Variants in GRK5 observed in about 807,000 individuals in gnomAD.
The protein encoded by GRK5 is G protein-coupled receptor kinase 5, also known as g protein-coupled receptor kinase GRK5.
Under a neutral mutation model 78.4 loss-of-function variants are expected in GRK5, and 40 were observed. That is an observed-to-expected ratio of 0.51 (90% CI 0.40 to 0.66). GRK5 has a LOEUF of 0.66. Ranked by LOEUF, GRK5 falls within the 30% of genes least tolerant of loss-of-function variation. The probability of loss-of-function intolerance (pLI) is 0.00; values close to 1 mark genes in which losing one functional copy is unlikely to be tolerated. For synonymous variants in GRK5, 289 were observed against 296.8 expected (o/e 0.97, Z 0.27); for missense variants, 598 against 759.9 (o/e 0.79, Z 2.50).
chr10:119,345,214 C>T (rs758576220), intron 2 of GRK5, among the ~76,000 whole-genome samples: 1 of 152,142 alleles, frequency 6.6e-6, no homozygotes, highest in Non-Finnish European at 1.5e-5. Context: ...ATGATCCGCC[C>T]GCCTCGGCCT....
chr10:119,417,739 G>A (rs1358616424), intron 4 of GRK5, among the ~76,000 whole-genome samples: 5 of 152,202 alleles, frequency 3.3e-5, no homozygotes, highest in Non-Finnish European at 7.3e-5. Context: ...GGATGCATGA[G>A]ATGAGGACAA....
rs1849457312 is a variant in GRK5, at chr10:119,264,273, C to G, written c.52+56304C>G. On this transcript the variant is annotated intron_variant, in intron 1 of 15. Transcript: ENST00000392870. This position sits in a 1 kb window ranked among gnomAD's most constrained non-coding sequence, Gnocchi z 4.1. The stretch of plus-strand genomic sequence containing the variant: ...CTTTCCATTACAGGTGACAGAAGCT[C>G]AACTCCAACTAGCTTAAGCAAAACA... Among the ~76,000 whole-genome samples, 1 of 152,188 alleles carries G rather than the reference C, an allele frequency of 6.6e-6. No homozygotes were observed. The highest frequency in any genetic ancestry group is 2.4e-5 in the African/African-American group (1 of 41,434).
At chr10:119,342,531 C>T (rs983114055) in intron 2 of GRK5, among the ~76,000 whole-genome samples, 8 of 152,198 alleles carry the variant, frequency 5.3e-5, no homozygotes, top group Non-Finnish European at 1.2e-4. Context: ...GCTCATGCAG[C>T]ATCTGCTTTC....
chr10:119,452,861 G>A lies in GRK5; in HGVS notation c.1542+53G>A, dbSNP rs2297640. The A allele has an allele frequency of 0.085, 123,648 of 1,456,982 alleles. 9,482 individuals are homozygous for A. The highest frequency in any genetic ancestry group is 0.29 in the East Asian group (12,409 of 42,606). 90.3% of individuals were successfully genotyped at this position (1,456,982 alleles called of 1,614,324 possible). Reference sequence around the variant, plus strand: ...TCTGGGTGGGAGGGAGGGACTGACGGGTGGAAGGAGGCGTCGGGAATATGA... The same window carrying A: ...TCTGGGTGGGAGGGAGGGACTGACGAGTGGAAGGAGGCGTCGGGAATATGA... On this transcript the variant is annotated intron_variant, in intron 14 of 15. Transcript: ENST00000392870. This position sits in a 1 kb window ranked among gnomAD's most constrained non-coding sequence, Gnocchi z 4.4.
At chr10:119,349,239 T>G (rs1193823381) in intron 2 of GRK5, among the ~76,000 whole-genome samples, 1 of 152,098 alleles carries the variant, frequency 6.6e-6, no homozygotes, top group Non-Finnish European at 1.5e-5. Flanking sequence ...TTGCAGTCGG[T>G]CAAGCCTGGG....
chr10:119,385,851 G>C (rs1026119536), intron 3 of GRK5, among the ~76,000 whole-genome samples: 5 of 152,060 alleles, frequency 3.3e-5, no homozygotes, highest in Non-Finnish European at 5.9e-5. Context: ...AAAGATCTGG[G>C]CTGGAAATGG....
At chr10:119,371,802 T>C (rs897651657) in intron 2 of GRK5, among the ~76,000 whole-genome samples, 10 of 152,182 alleles carry the variant, frequency 6.6e-5, no homozygotes, top group African/African-American at 2.4e-4. Flanking sequence ...ATAGAGGAGA[T>C]AGGATCTGTC....
At chr10:119,279,121 C>A (rs1013372884) in intron 1 of GRK5, among the ~76,000 whole-genome samples, 2 of 152,088 alleles carry the variant, frequency 1.3e-5, no homozygotes, top group African/African-American at 4.8e-5. Flanking sequence ...ACCTCGTGAT[C>A]CACCCGCCTT....
intron 2 of GRK5, among the ~76,000 whole-genome samples, chr10:119,360,943 G>T (rs539872843): frequency 6.6e-6 from 1 of 152,134 alleles, no homozygotes; most frequent in African/African-American, 2.4e-5. Context: ...AGTGTTAGTC[G>T]CTGCCTTTCC....
intron 1 of GRK5, among the ~76,000 whole-genome samples, chr10:119,314,122 G>T (rs1212436325): frequency 1.3e-5 from 2 of 152,250 alleles, no homozygotes; most frequent in Non-Finnish European, 2.9e-5. Context: ...GCCACTGGGA[G>T]GGCTGGGGTG....
At chr10:119,390,664 C>T (rs1407008047) in intron 3 of GRK5, among the ~76,000 whole-genome samples, 4 of 152,196 alleles carry the variant, frequency 2.6e-5, no homozygotes, top group South Asian at 2.1e-4. Context: ...CACTGCATTC[C>T]AGCCTGGGCA....
intron 4 of GRK5, among the ~76,000 whole-genome samples, chr10:119,408,486 G>A (rs1353359539): frequency 1.3e-5 from 2 of 152,164 alleles, no homozygotes; most frequent in African/African-American, 2.4e-5. Flanking sequence ...AGCAAAAGTG[G>A]TCTATCACTA....
At position 119,218,072 on chromosome 10, in the gene GRK5, G is replaced by A. The variant is rs551244226; in HGVS notation, c.52+10103G>A. ...TTGCATTTAGAAACCATGTCAACCC[G>A]TTTGTGTGTGTGTGTGTGTGTGTGT... On this transcript the variant is annotated intron_variant, in intron 1 of 15. Transcript: ENST00000392870. Among the ~76,000 whole-genome samples, 4 of 144,580 alleles carry A rather than the reference G, an allele frequency of 2.8e-5. No individual in the cohort carries two copies. The East Asian group carries it at 6.0e-4, about 22-fold the overall frequency. 94.9% of individuals were successfully genotyped at this position (144,580 alleles called of 152,430 possible).
intron 2 of GRK5, among the ~76,000 whole-genome samples, chr10:119,368,711 G>T (rs942757509): frequency 1.3e-5 from 2 of 152,226 alleles, no homozygotes; most frequent in African/African-American, 4.8e-5. Context: ...GCCAGGCAGG[G>T]CCCCTGGGCT....
chr10:119,437,131 C>T (rs7893782), intron 9 of GRK5, among the ~76,000 whole-genome samples: 91,629 of 152,166 alleles, frequency 0.6, 28,167 homozygotes, highest in Admixed American at 0.63. Flanking sequence ...TCAAGGAGGA[C>T]GGGCCGTGAC....
chr10:119,372,861 C>T (rs1328839191), intron 2 of GRK5, among the ~76,000 whole-genome samples: 2 of 152,236 alleles, frequency 1.3e-5, no homozygotes, highest in East Asian at 1.9e-4. Flanking sequence ...TGCTCATCTC[C>T]GAGCTTGGTG....
chr10:119,389,694 G>A (rs1271846439), intron 3 of GRK5, among the ~76,000 whole-genome samples: 1 of 152,158 alleles, frequency 6.6e-6, no homozygotes. Context: ...GGCCTCAAGG[G>A]GAAGTTCTTC....
chr10:119,216,075 A>C (rs1381356270), intron 1 of GRK5, among the ~76,000 whole-genome samples: 3 of 152,236 alleles, frequency 2.0e-5, no homozygotes, highest in Non-Finnish European at 4.4e-5. Flanking sequence ...AAACATTTTA[A>C]CAATAACTCA....
intron 1 of GRK5, among the ~76,000 whole-genome samples, chr10:119,249,101 T>A (rs1849157241): frequency 6.6e-6 from 1 of 152,064 alleles, no homozygotes; most frequent in Admixed American, 6.6e-5. Flanking sequence ...AAACCCCGTC[T>A]TTACTAAATA....
Sources: allele counts gnomAD v4.1 joint callset (sites outside exome capture counted in the v4.1 genomes callset), GRCh38; gene constraint gnomAD v4.1.1; non-coding constraint Gnocchi (gnomAD v3.1); transcripts MANE v1.5; gene names NCBI Gene and HGNC (gene_info 2026-07-23, HGNC 2026-07-21).